Variants in TULP4 observed in about 807,000 individuals in gnomAD.
The protein encoded by TULP4 is tubby-related protein 4.
Under a neutral mutation model 129.0 loss-of-function variants are expected in TULP4, and 16 were observed. The observed-to-expected ratio is 0.12, with a 90% CI of 0.08 to 0.19. TULP4 has a LOEUF of 0.19. Among genes scored for constraint, TULP4 ranks in the 10% least tolerant of loss-of-function variants. The probability of loss-of-function intolerance (pLI) is 1.00; values close to 1 mark genes in which losing one functional copy is unlikely to be tolerated. For synonymous variants in TULP4, 998 were observed against 854.0 expected, an observed-to-expected ratio of 1.17 and a Z score of -2.94; for missense variants, 1,842 against 2,059.1, an observed-to-expected ratio of 0.89 and a Z score of 2.04.
intron 1 of TULP4, among the ~76,000 whole-genome samples, chr6:158,351,707 CTTTTTTTTTTT>C (rs1160814801): frequency 6.7e-4 from 34 of 50,522 alleles, no homozygotes; most frequent in African/African-American, 2.0e-3. Flanking sequence ...TGTTGTTAAA[CTTTTTTTTTTT>C]TTTTTTTTTT....
chr6:158,273,259 A>G (rs1250242615), intron 1 of TULP4, among the ~76,000 whole-genome samples: 2 of 152,160 alleles, frequency 1.3e-5, no homozygotes, highest in African/African-American at 4.8e-5. Flanking sequence ...CTCTTTGCTC[A>G]GGTGTTGAGA....
intron 6 of TULP4, among the ~76,000 whole-genome samples, chr6:158,474,099 G>C (rs1429197582): frequency 3.9e-5 from 6 of 152,234 alleles, no homozygotes; most frequent in Admixed American, 6.5e-5. Context: ...GGGATTATAG[G>C]CATGAGCCAT....
intron 1 of TULP4, among the ~76,000 whole-genome samples, chr6:158,341,321 T>G (rs1160466755): frequency 6.6e-6 from 1 of 152,226 alleles, no homozygotes; most frequent in African/African-American, 2.4e-5. Flanking sequence ...GCCACACTTT[T>G]CTTTATCCAT....
At chr6:158,479,049 A>G (rs1186737193) in intron 6 of TULP4, among the ~76,000 whole-genome samples, 1 of 152,126 alleles carries the variant, frequency 6.6e-6, no homozygotes, top group Non-Finnish European at 1.5e-5. Context: ...TAATCCTCAC[A>G]GGGTCCCCAC....
chr6:158,455,954 A>C (rs1271205965), intron 5 of TULP4, among the ~76,000 whole-genome samples: 2 of 152,298 alleles, frequency 1.3e-5, no homozygotes, highest in East Asian at 3.9e-4. Flanking sequence ...GTGAATAAGC[A>C]TAGGACCCAC....
intron 1 of TULP4, among the ~76,000 whole-genome samples, chr6:158,274,606 C>A (rs896852589): frequency 6.6e-6 from 1 of 152,056 alleles, no homozygotes; most frequent in African/African-American, 2.4e-5. Flanking sequence ...GAAACCCTGT[C>A]TCTACTAAAA....
intron 5 of TULP4, among the ~76,000 whole-genome samples, chr6:158,454,024 C>T (rs930414645): frequency 2.0e-5 from 3 of 147,618 alleles, no homozygotes; most frequent in Admixed American, 2.0e-4. Flanking sequence ...CTGCACCGCC[C>T]CCCCCCAAGT....
chr6:158,475,899 C>T (rs1779806227), intron 6 of TULP4, among the ~76,000 whole-genome samples: 1 of 152,192 alleles, frequency 6.6e-6, no homozygotes, highest in Admixed American at 6.5e-5. Flanking sequence ...AAAATTAACA[C>T]CAGCAGAAAT....
intron 1 of TULP4, among the ~76,000 whole-genome samples, chr6:158,344,266 C>T (rs1285270817): frequency 3.3e-5 from 5 of 152,200 alleles, no homozygotes; most frequent in African/African-American, 9.7e-5. Context: ...CGGACTCAGC[C>T]CACCTGCACC....
intron 2 of TULP4, among the ~76,000 whole-genome samples, chr6:158,423,964 A>C (rs1778414672): frequency 6.6e-6 from 1 of 152,120 alleles, no homozygotes; most frequent in Non-Finnish European, 1.5e-5. Context: ...GGAAGATACC[A>C]TTAAAAAAAT....
chr6:158,240,661 C>T lies in TULP4; in HGVS notation n.68+8358C>T, dbSNP rs1484740336. On this transcript the variant is annotated intron_variant and non_coding_transcript_variant, in intron 1 of 1. Coordinates refer to the TULP4 transcript ENST00000620026. Reference sequence around the variant, plus strand: ...GCCGGGTGGAGGCTGACCCCCCCACCTCCCTCCCAGACGGGGCAGCTGGCC... The same window carrying T: ...GCCGGGTGGAGGCTGACCCCCCCACTTCCCTCCCAGACGGGGCAGCTGGCC... 7.3e-4 allele frequency among the ~76,000 whole-genome samples: 76 copies of T among 103,842 alleles called. 11 individuals are homozygous for T. The highest frequency in any genetic ancestry group is 2.0e-3 in the African/African-American group (68 of 34,078). 68.1% of individuals were successfully genotyped at this position (103,842 alleles called of 152,430 possible). A position where few individuals can be genotyped will look rare whatever the true frequency, so the allele number is the denominator to read the frequency against.
At chr6:158,285,922 G>A (rs921870808) in intron 1 of TULP4, among the ~76,000 whole-genome samples, 2 of 152,130 alleles carry the variant, frequency 1.3e-5, no homozygotes, top group East Asian at 1.9e-4. Context: ...TGCTGGCTGC[G>A]TTTCAGCTCT....
intron 1 of TULP4, among the ~76,000 whole-genome samples, chr6:158,297,572 T>C (rs1048475764): frequency 6.6e-6 from 1 of 152,202 alleles, no homozygotes; most frequent in Admixed American, 6.5e-5. Context: ...GTTCAGAGAT[T>C]GCAGTAAAGA....
At chr6:158,364,670 T>G (rs1360320029) in intron 1 of TULP4, among the ~76,000 whole-genome samples, 1 of 152,190 alleles carries the variant, frequency 6.6e-6, no homozygotes, top group Non-Finnish European at 1.5e-5. Flanking sequence ...TCTGCTAGTT[T>G]TCAAGGTTTT....
At chr6:158,244,825 C>T (rs549815944) in intron 1 of TULP4, among the ~76,000 whole-genome samples, 1 of 151,876 alleles carries the variant, frequency 6.6e-6, no homozygotes, top group African/African-American at 2.4e-5. Context: ...GACTTTGTCT[C>T]TATTTATTTA....
At chr6:158,238,257 G>T in intron 1 of TULP4, 1 of 1,127,036 alleles carries the variant, frequency 8.9e-7, no homozygotes, top group East Asian at 2.4e-5. Flanking sequence ...TCCTGAAGCA[G>T]CTCTATTGCT....
chr6:158,393,027 G>T (rs987902033), intron 1 of TULP4, among the ~76,000 whole-genome samples: 18 of 150,400 alleles, frequency 1.2e-4, no homozygotes, highest in African/African-American at 4.4e-4. Context: ...TTACTTCCAA[G>T]ATACAGTGGG....
chr6:158,502,184 ATCCCCGCTGCCCCC>A lies in TULP4; in HGVS notation c.2522_2535del (p.Ile841AsnfsTer41). On this transcript the variant is annotated frameshift_variant, in exon 13 of 14. Transcript: ENST00000367097. LOFTEE classifies it high-confidence loss of function. ...CCCTCCACCCCCGTACCCAGGAACC[ATCCCCGCTGCCCCC>A]ACCACAGCAGCACCCCCGCCCCCTC... 7.7e-7 allele frequency: 1 copy of A among 1,293,012 alleles called. No homozygotes were observed. Among genetic ancestry groups the A allele is most frequent in the Non-Finnish European group, 1.0e-6 (1 of 985,460 alleles). The allele number at this position is 1,293,012 out of a possible 1,614,324, so 80.1% of individuals were successfully genotyped here. A position where few individuals can be genotyped will look rare whatever the true frequency, so the allele number is the denominator to read the frequency against.
At chr6:158,241,196 G>C (rs1433103370) in intron 1 of TULP4, among the ~76,000 whole-genome samples, 1 of 129,852 alleles carries the variant, frequency 7.7e-6, no homozygotes. Context: ...GATGGCGGCT[G>C]GGAAGAGGCG....
Sources: gnomAD v4.1 joint callset for allele counts (sites outside exome capture counted in the v4.1 genomes callset) on GRCh38, gnomAD v4.1.1 for gene constraint, MANE v1.5 for transcripts, NCBI Gene and HGNC (gene_info 2026-07-23, HGNC 2026-07-21) for gene names.